CACNA1E: variants seen among roughly 807,000 people sequenced by gnomAD.
The protein encoded by CACNA1E is calcium voltage-gated channel subunit alpha1 E.
Under a neutral mutation model 259.2 loss-of-function variants are expected in CACNA1E, and 40 were observed. That is an observed-to-expected ratio of 0.15 (90% confidence interval 0.12 to 0.20). The LOEUF (loss-of-function observed/expected upper bound fraction) is 0.20. CACNA1E is among the 10% of genes least tolerant of loss of function. The pLI, the probability that CACNA1E is intolerant of heterozygous loss-of-function variation, is 1.00. For synonymous variants in CACNA1E, 1,104 were observed against 1,138.5 expected (o/e 0.97, Z 0.61); for missense variants, 1,874 against 3,040.1 (o/e 0.62, Z 9.02).
chr1:181,331,010 A>C (rs1401532797), intron 1 of CACNA1E, among the ~76,000 whole-genome samples: 2 of 152,194 alleles, frequency 1.3e-5, no homozygotes, highest in African/African-American at 4.8e-5. Flanking sequence ...GCTGGGCACC[A>C]CCATAGTACC....
At chr1:181,553,743 G>A (rs1360619731) in intron 3 of CACNA1E, among the ~76,000 whole-genome samples, 1 of 152,126 alleles carries the variant, frequency 6.6e-6, no homozygotes, top group South Asian at 2.1e-4. Context: ...GGCCTTTTCT[G>A]CATCTATTGA....
chr1:181,519,161 G>C (rs1666815288), intron 3 of CACNA1E, among the ~76,000 whole-genome samples: 2 of 152,160 alleles, frequency 1.3e-5, no homozygotes, highest in Admixed American at 1.3e-4. Flanking sequence ...AAGCAGAGGT[G>C]GATATGGCAT....
At chr1:181,368,779 C>T (rs1654473950) in intron 1 of CACNA1E, among the ~76,000 whole-genome samples, 1 of 152,202 alleles carries the variant, frequency 6.6e-6, no homozygotes, top group Non-Finnish European at 1.5e-5. Flanking sequence ...TTTATTTATA[C>T]TGAATTTGTT....
chr1:181,385,361 A>G (rs16857195), intron 1 of CACNA1E, among the ~76,000 whole-genome samples: 11,391 of 152,312 alleles, frequency 0.075, 1,326 homozygotes, highest in African/African-American at 0.25. Flanking sequence ...GATTATGAAC[A>G]TCTCCGATGG....
rs888286955 is a variant in CACNA1E at position 181,324,406 on chromosome 1, G to A, written c.-15+6283G>A. The stretch of plus-strand genomic sequence containing the variant: ...GATCAGAATGATAAAAATGAAATAG[G>A]ATCTATATCACAGATTCTCTATGGC... On this transcript the variant is annotated intron_variant, in intron 1 of 11. Coordinates refer to the CACNA1E transcript ENST00000524607. Among the ~76,000 whole-genome samples the A allele has an allele frequency of 1.3e-4, 20 of 152,260 alleles. 1 individual carries two copies. The South Asian group carries it at 4.1e-3, about 31-fold the overall frequency.
chr1:181,400,092 A>G lies in CACNA1E; in HGVS notation c.-14-13041A>G, dbSNP rs74420007. ...CTACTGTAGTTCTATGCTATATCTC[A>G]GTGTTCCCCCCCACCAGGGGTACAT... On this transcript the variant is annotated intron_variant, in intron 1 of 11. Transcript: ENST00000524607. 9.5e-3 allele frequency among the ~76,000 whole-genome samples: 1,448 copies of G among 152,324 alleles called. 18 individuals carry two copies. Among genetic ancestry groups the G allele is most frequent in the African/African-American group, 0.033 (1,351 of 41,562 alleles).
At chr1:181,421,661 C>A (rs631681) in intron 2 of CACNA1E, among the ~76,000 whole-genome samples, 37 of 151,932 alleles carry the variant, frequency 2.4e-4, no homozygotes, top group Non-Finnish European at 1.0e-4. Flanking sequence ...TCCAGTTGTC[C>A]GAGCCAAATA....
intron 6 of CACNA1E, 65 bp downstream of exon 6, chr1:181,580,841 T>A: frequency 6.7e-7 from 1 of 1,496,402 alleles, no homozygotes; most frequent in Non-Finnish European, 9.3e-7. Flanking sequence ...CTTCTGTGGT[T>A]GTTTGGCCTG....
intron 6 of CACNA1E, among the ~76,000 whole-genome samples, chr1:181,612,010 A>G (rs547041595): frequency 2.0e-5 from 3 of 152,338 alleles, no homozygotes; most frequent in Admixed American, 6.5e-5. Flanking sequence ...CAATGCACCA[A>G]TGCACCTAAG....
chr1:181,475,069 TTA>T (rs1662755642), intron 2 of CACNA1E, among the ~76,000 whole-genome samples: 1 of 152,120 alleles, frequency 6.6e-6, no homozygotes, highest in Non-Finnish European at 1.5e-5. Context: ...CTAGAATGTG[TTA>T]GGGGAAGGGT....
intron 2 of CACNA1E, among the ~76,000 whole-genome samples, chr1:181,449,931 A>G (rs777097993): frequency 5.3e-5 from 8 of 151,180 alleles, no homozygotes; most frequent in Non-Finnish European, 1.2e-4. Context: ...GGGTGCCTAT[A>G]TTAGTCTGTT....
intron 6 of CACNA1E, among the ~76,000 whole-genome samples, chr1:181,644,643 C>G (rs6697452): frequency 0.26 from 38,921 of 152,026 alleles, 5,740 homozygotes; most frequent in African/African-American, 0.4. Context: ...ATCAAATTCC[C>G]TAGAAACTGA....
intron 1 of CACNA1E, among the ~76,000 whole-genome samples, chr1:181,356,015 G>T (rs1434881393): frequency 1.3e-5 from 2 of 151,378 alleles, no homozygotes; most frequent in South Asian, 2.1e-4. Flanking sequence ...CATTTTTTTT[G>T]GCTCAAAAAA....
At chr1:181,643,211 G>A (rs1426897176) in intron 6 of CACNA1E, among the ~76,000 whole-genome samples, 2 of 152,164 alleles carry the variant, frequency 1.3e-5, no homozygotes, top group Non-Finnish European at 2.9e-5. Context: ...ACCCACATCA[G>A]CCCCAGCAGT....
At chr1:181,481,012 A>G (rs1003514969), upstream of CACNA1E, among the ~76,000 whole-genome samples, 4 of 152,140 alleles carry the variant, frequency 2.6e-5, no homozygotes, top group Admixed American at 2.6e-4. Context: ...AACCCTATGT[A>G]GTTTACAGGG....
chr1:181,411,932 T>C (rs1368698981), intron 1 of CACNA1E, among the ~76,000 whole-genome samples: 2 of 152,366 alleles, frequency 1.3e-5, no homozygotes, highest in East Asian at 1.9e-4. Context: ...CATGTGCTCC[T>C]CTAGCAATCA....
intron 1 of CACNA1E, among the ~76,000 whole-genome samples, chr1:181,388,782 T>C (rs1656041984): frequency 1.3e-5 from 2 of 151,844 alleles, no homozygotes; most frequent in African/African-American, 2.4e-5. Context: ...TCCCAGCTAC[T>C]CAGGAGGCTG....
At chr1:181,514,149 T>G (rs1282359951) in intron 3 of CACNA1E, among the ~76,000 whole-genome samples, 1 of 152,232 alleles carries the variant, frequency 6.6e-6, no homozygotes, top group African/African-American at 2.4e-5. Context: ...TACAGTCACA[T>G]GATGCTCTCA....
intron 6 of CACNA1E, among the ~76,000 whole-genome samples, chr1:181,644,395 C>G (rs907537159): frequency 3.3e-5 from 5 of 152,182 alleles, no homozygotes; most frequent in Admixed American, 3.3e-4. Context: ...TTGTTCTCAT[C>G]ATCCTCTTCC....
Sources: gnomAD v4.1 joint callset for allele counts (sites outside exome capture counted in the v4.1 genomes callset) on GRCh38, gnomAD v4.1.1 for gene constraint, MANE v1.5 for transcripts, NCBI Gene and HGNC (gene_info 2026-07-23, HGNC 2026-07-21) for gene names.